The following SMARCA2 variants were observed in gnomAD, a reference collection of about 807,000 sequenced individuals.
SMARCA2 encodes the protein SWI/SNF-related matrix-associated actin-dependent regulator of chromatin subfamily A member 2.
A neutral mutation model predicts 199.8 loss-of-function variants in SMARCA2; 61 were observed. The ratio of observed to expected loss-of-function variants is 0.31; its 90% CI spans 0.25 to 0.38. SMARCA2 has a LOEUF of 0.38. Ranked by LOEUF, SMARCA2 falls within the 10% of genes least tolerant of loss-of-function variation. The pLI is 1.00. For missense variants in SMARCA2, 1,344 were observed against 2,012.2 expected, an observed-to-expected ratio of 0.67 and a Z score of 6.35; for synonymous variants, 935 against 732.0, an observed-to-expected ratio of 1.28 and a Z score of -4.48.
chr9:2,103,372 C>G (rs1822612447), intron 22 of SMARCA2, among the ~76,000 whole-genome samples: 1 of 152,082 alleles, frequency 6.6e-6, no homozygotes, highest in Non-Finnish European at 1.5e-5. Flanking sequence ...AAACTCTGCT[C>G]CAATCTAAAG....
At chr9:2,037,089 T>C (rs1819368845) in intron 3 of SMARCA2, among the ~76,000 whole-genome samples, 3 of 152,178 alleles carry the variant, frequency 2.0e-5, no homozygotes. Context: ...AGATTTTTCC[T>C]CTTATGGTAG....
rs922764451 is a variant in SMARCA2, at chr9:2,104,503, A to G, written c.3292+334A>G. ...CCTATGTGCCAAAGATATAGAATAC[A>G]TTGACACACCTTTAACTTTTTCAGT... On this transcript the variant is annotated intron_variant, in intron 23 of 33. Coordinates refer to ENST00000349721, the MANE Select transcript of SMARCA2 (RefSeq NM_003070.5). This position sits in a 1 kb window ranked among gnomAD's most constrained non-coding sequence, Gnocchi z 4.0. Among the ~76,000 whole-genome samples, 1 of 152,220 alleles carries G rather than the reference A, an allele frequency of 6.6e-6. No homozygotes were observed. Among genetic ancestry groups the G allele is most frequent in the Non-Finnish European group, 1.5e-5 (1 of 68,042 alleles).
chr9:2,050,839 C>G (rs930343341), intron 5 of SMARCA2, among the ~76,000 whole-genome samples: 2 of 152,186 alleles, frequency 1.3e-5, no homozygotes, highest in Non-Finnish European at 2.9e-5. Context: ...CTCCTCTGGA[C>G]CTGAACAAGT....
chr9:2,165,585 G>T (rs1825894104), intron 28 of SMARCA2, among the ~76,000 whole-genome samples: 1 of 152,122 alleles, frequency 6.6e-6, no homozygotes, highest in Non-Finnish European at 1.5e-5. Flanking sequence ...GTACCAGAAG[G>T]CTTTGTTTTG....
At chr9:2,158,673 C>T (rs190933125) in intron 27 of SMARCA2, 209 of 341,984 alleles carry the variant, frequency 6.1e-4, no homozygotes, top group Non-Finnish European at 7.6e-4. Flanking sequence ...TGTGTGACCC[C>T]CCAGCCCCCA....
chr9:2,075,473 AG>A (rs1056976532), intron 12 of SMARCA2: 1 of 152,250 alleles, frequency 6.6e-6, no homozygotes. Context: ...TCGGTTGAGA[AG>A]GGAGAGGTAT....
intron 10 of SMARCA2, among the ~76,000 whole-genome samples, chr9:2,072,564 A>G (rs1264437688): frequency 6.6e-6 from 1 of 152,250 alleles, no homozygotes; most frequent in Non-Finnish European, 1.5e-5. Context: ...CCAGCCACTC[A>G]TGAGATGACA....
intron 32 of SMARCA2, among the ~76,000 whole-genome samples, chr9:2,187,773 C>CTAAAACCT (rs1394265991): frequency 1.3e-5 from 2 of 152,028 alleles, no homozygotes; most frequent in Non-Finnish European, 2.9e-5. Flanking sequence ...AAGTAAAGTA[C>CTAAAACCT]TAAAACCTAT....
At position 2,148,118 on chromosome 9, in the gene SMARCA2, A is replaced by G. The variant is rs1254853125; in HGVS notation, c.3982-13568A>G. Among the ~76,000 whole-genome samples, 2 of 151,602 alleles carry G rather than the reference A, an allele frequency of 1.3e-5. 1 individual carries two copies. The highest frequency in any genetic ancestry group is 3.0e-5 in the Non-Finnish European group (2 of 67,736). ...TGTTGCTGCTGCTGTTTTTAAAGAA[A>G]CTCACCTTTTTGGAGTCTTGTATTG... is the stretch of plus-strand genomic sequence containing the variant. On this transcript the variant is annotated intron_variant, in intron 27 of 33. Transcript: ENST00000349721.
At chr9:2,093,369 T>C (rs1247051453) in intron 19 of SMARCA2, among the ~76,000 whole-genome samples, 2 of 152,226 alleles carry the variant, frequency 1.3e-5, no homozygotes, top group East Asian at 1.9e-4. Flanking sequence ...AACATGCAGA[T>C]TGACACCGGT....
chr9:2,182,019 G>T (rs993123414), intron 30 of SMARCA2, 122 bp from the exon 31 acceptor site: 2 of 765,416 alleles, frequency 2.6e-6, no homozygotes, highest in Admixed American at 3.9e-5. Flanking sequence ...TGCAGTCCCA[G>T]ATCCCTGGCA....
rs1372996691 is a variant in SMARCA2, at chr9:2,039,567, C to G, written c.457C>G (p.Pro153Ala). Residue 153 changes from proline to alanine, a missense_variant, in exon 4 of 34, where the codon CCG becomes GCG. By Grantham distance (27) the Pro-to-Ala change is conservative (BLOSUM62 -1). Coordinates refer to ENST00000349721, the MANE Select transcript of SMARCA2 (RefSeq NM_003070.5). The surrounding 1 kb of genome is among the most constrained non-coding windows in gnomAD (Gnocchi z 4.8). ...TCCACCTCAGATGCCACCAAGCCAG[C>G]CGGGGGCCCTCATCCCAGGTGATCC... ...PTPPQMPPSQPGALIPGDPQA... is the reference protein window; with the variant it reads ...PTPPQMPPSQAGALIPGDPQA... 1.2e-6 allele frequency: 2 copies of G among 1,614,068 alleles called. No individual in the cohort carries two copies. The highest frequency in any genetic ancestry group is 1.7e-5 in the Admixed American group (1 of 60,004).
intron 15 of SMARCA2, 64 bp from the exon 16 acceptor site, chr9:2,083,283 C>G (rs1821648434): frequency 9.2e-7 from 1 of 1,091,094 alleles, no homozygotes; most frequent in Non-Finnish European, 1.3e-6. Flanking sequence ...ATAAGAACAT[C>G]TTTTTAACCA....
At chr9:2,050,870 C>T (rs1182886785) in intron 5 of SMARCA2, among the ~76,000 whole-genome samples, 2 of 152,210 alleles carry the variant, frequency 1.3e-5, no homozygotes, top group Non-Finnish European at 2.9e-5. Flanking sequence ...TTTAATGCAA[C>T]TCTTTTTCTT....
intron 21 of SMARCA2, among the ~76,000 whole-genome samples, chr9:2,099,987 T>C (rs1822439586): frequency 2.0e-5 from 3 of 152,270 alleles, no homozygotes; most frequent in African/African-American, 7.2e-5. Flanking sequence ...GTCCATCCTG[T>C]TAATTTTGCC....
chr9:2,052,442 C>T (rs764274065), intron 5 of SMARCA2, among the ~76,000 whole-genome samples: 4 of 152,204 alleles, frequency 2.6e-5, no homozygotes, highest in Non-Finnish European at 5.9e-5. Context: ...TGCCACTGCA[C>T]TCCAGCCTGG....
chr9:2,084,326 T>G (rs1437844138), intron 17 of SMARCA2, 130 bp downstream of exon 17: 1 of 603,880 alleles, frequency 1.7e-6, no homozygotes, highest in African/African-American at 1.9e-5. Flanking sequence ...TAAAATTTTT[T>G]CAGAGTTTGA....
chr9:2,058,123 G>T, intron 7 of SMARCA2, 168 bp from the exon 8 acceptor site: 1 of 629,780 alleles, frequency 1.6e-6, no homozygotes, highest in Non-Finnish European at 2.8e-6. Context: ...CAGCCCCATG[G>T]CCCACACCTT....
intron 27 of SMARCA2, among the ~76,000 whole-genome samples, chr9:2,129,282 G>A (rs1043758583): frequency 1.3e-5 from 2 of 152,130 alleles, no homozygotes; most frequent in African/African-American, 4.8e-5. Flanking sequence ...GCCGGGCGTG[G>A]TGGCACGTGC....
Sources: gnomAD v4.1 joint callset for allele counts (sites outside exome capture counted in the v4.1 genomes callset) on GRCh38, gnomAD v4.1.1 for gene constraint, Gnocchi (gnomAD v3.1) non-coding constraint, MANE v1.5 for transcripts, NCBI Gene and HGNC (gene_info 2026-07-23, HGNC 2026-07-21) for gene names.